SRGN: variants seen among roughly 807,000 people sequenced by gnomAD.
SRGN encodes the protein serglycin.
A neutral mutation model predicts 9.5 loss-of-function variants in SRGN; 2 were observed. The ratio of observed to expected loss-of-function variants is 0.21; its 90% CI spans 0.09 to 0.66. SRGN has a LOEUF of 0.66. Ranked by LOEUF, SRGN falls within the 30% of genes least tolerant of loss-of-function variation. SRGN has a pLI of 0.83. For missense variants in SRGN, 170 were observed against 192.4 expected (o/e 0.88, Z 0.69); for synonymous variants, 59 against 72.3 (o/e 0.82, Z 0.93).
At chr10:69,097,373 G>GCTT (rs1226525637) in intron 2 of SRGN, 142 bp downstream of exon 2, 5 of 584,904 alleles carry the variant, frequency 8.5e-6, no homozygotes, top group Non-Finnish European at 1.4e-5. Context: ...CGATTCTCCT[G>GCTT]CTTCAGCCTC....
chr10:69,095,956 AC>A (rs1295546273), intron 1 of SRGN, among the ~76,000 whole-genome samples: 2 of 151,506 alleles, frequency 1.3e-5, no homozygotes, highest in Admixed American at 6.6e-5. Context: ...CTCCTATATA[AC>A]CTCATAATAT....
intron 2 of SRGN, 67 bp from the exon 3 acceptor site, chr10:69,103,804 A>G (rs753236986): frequency 1.6e-5 from 25 of 1,531,914 alleles, no homozygotes; most frequent in Non-Finnish European, 2.1e-5. Context: ...TAAAAAAACT[A>G]TTATAATTAT....
chr10:69,095,257 G>A lies in SRGN; in HGVS notation c.80-1827G>A, dbSNP rs982625814. On this transcript the variant is annotated intron_variant, in intron 1 of 2. Transcript: ENST00000242465. ...TGGGAGGCAGAGGTTGCAGTGAGCC[G>A]AGATTGTGCCACTGCATCCCAGCCA... is the stretch of plus-strand genomic sequence containing the variant. Among the ~76,000 whole-genome samples, 4 of 149,058 alleles carry A rather than the reference G, an allele frequency of 2.7e-5. No individual in the cohort carries two copies. The South Asian group carries it at 6.3e-4, about 23-fold the overall frequency.
chr10:69,102,287 A>T (rs1840309533), intron 2 of SRGN, among the ~76,000 whole-genome samples: 1 of 152,102 alleles, frequency 6.6e-6, no homozygotes, highest in African/African-American at 2.4e-5. Context: ...TCTAGCTCCG[A>T]CACCCCAGGC....
intron 1 of SRGN, among the ~76,000 whole-genome samples, chr10:69,091,776 A>G (rs1185154309): frequency 1.4e-5 from 2 of 147,990 alleles, no homozygotes; most frequent in Admixed American, 6.9e-5. Context: ...GCTACTCGAG[A>G]GGCTGAGGCA....
In SRGN at chr10:69,091,879, CAAAAAAAAAA is replaced by C. The variant is rs1177012248; in HGVS notation, c.79+3663_79+3672del. Among the ~76,000 whole-genome samples the C allele has an allele frequency of 1.0e-3, 32 of 31,760 alleles. 1 individual carries two copies. The highest frequency in any genetic ancestry group is 3.8e-3 in the Admixed American group (7 of 1,826). The allele number at this position is 31,760 out of a possible 152,430, so 20.8% of individuals were successfully genotyped here. The stretch of plus-strand genomic sequence containing the variant: ...TGGGCGATAGACTGAGACTCTGTCT[CAAAAAAAAAA>C]AAAAAAAAAAAAAAAAAAAGAAAAA... On this transcript the variant is annotated intron_variant, in intron 1 of 2. Coordinates refer to ENST00000242465, the MANE Select transcript of SRGN (RefSeq NM_002727.4).
At position 69,103,984 on chromosome 10, in the gene SRGN, C is replaced by G; in HGVS notation, c.341C>G (p.Thr114Arg). ...SGSGSGSGFL[T>R]EMEQDYQLVD... The stretch of plus-strand genomic sequence containing the variant: ...TCAGGATCTGGGAGTGGCTTCCTAA[C>G]GGAAATGGAACAGGATTACCAACTA... The change falls in exon 3 of 3, where the codon ACG (threonine) becomes AGG (arginine). Residue 114 changes from threonine to arginine, a missense_variant. Thr to Arg is a moderately conservative substitution (Grantham distance 71). Transcript: ENST00000242465. 6.2e-7 allele frequency: 1 copy of G among 1,614,136 alleles called. No homozygotes were observed. The highest frequency in any genetic ancestry group is 2.2e-5 in the East Asian group (1 of 44,884).
intron 1 of SRGN, among the ~76,000 whole-genome samples, chr10:69,095,640 G>A (rs1840158861): frequency 6.6e-6 from 1 of 152,164 alleles, no homozygotes; most frequent in African/African-American, 2.4e-5. Flanking sequence ...GCCGGGCATG[G>A]TGGCTCACGC....
rs1368576920 is a variant in SRGN, at chr10:69,088,280, C to T, written c.79+44C>T. On this transcript the variant is annotated intron_variant, in intron 1 of 2. Coordinates refer to ENST00000242465, the MANE Select transcript of SRGN (RefSeq NM_002727.4). ...GTTCCCCAGCCATCTTCTCTGTAAG[C>T]CCTGTGGTCCATGCAAGTCATTATA... The T allele has an allele frequency of 2.0e-6, 3 of 1,490,912 alleles. No individual in the cohort carries two copies. The African/African-American group carries it at 4.1e-5, about 21-fold the overall frequency. The allele number at this position is 1,490,912 out of a possible 1,614,324, so 92.4% of individuals were successfully genotyped here. A position where few individuals can be genotyped will look rare whatever the true frequency, so the allele number is the denominator to read the frequency against.
chr10:69,099,951 G>A lies in SRGN; in HGVS notation c.227+2720G>A, dbSNP rs770853965. The stretch of plus-strand genomic sequence containing the variant: ...CATCTCTAAAAATTAGTGGCCCGGC[G>A]CTGTGCCTCACGCCTGTAATCCCAA... On this transcript the variant is annotated intron_variant, in intron 2 of 2. Coordinates refer to ENST00000242465, the MANE Select transcript of SRGN (RefSeq NM_002727.4). 1.7e-4 allele frequency among the ~76,000 whole-genome samples: 26 copies of A among 152,086 alleles called. 1 individual carries two copies. The highest frequency in any genetic ancestry group is 3.8e-4 in the Non-Finnish European group (26 of 68,008).
In SRGN at chr10:69,092,589, T is replaced by C. The variant is rs569946277; in HGVS notation, c.79+4353T>C. Among the ~76,000 whole-genome samples, 355 of 152,204 alleles carry C rather than the reference T, an allele frequency of 2.3e-3. 5 individuals are homozygous for C. The highest frequency in any genetic ancestry group is 8.4e-3 in the African/African-American group (347 of 41,526). On this transcript the variant is annotated intron_variant, in intron 1 of 2. Coordinates refer to ENST00000242465, the MANE Select transcript of SRGN (RefSeq NM_002727.4). ...CAAGTGGATCACTTGAGGTCAAGAG[T>C]TTGAGACTAGCCTGGCCAACATGGT...
chr10:69,097,191 G>C lies in SRGN; in HGVS notation c.187G>C (p.Glu63Gln). 1.2e-6 allele frequency: 2 copies of C among 1,614,034 alleles called. No individual in the cohort carries two copies. The highest frequency in any genetic ancestry group is 1.1e-5 in the South Asian group (1 of 91,076). Reference protein sequence around the residue: ...KGPMFELLPGESNKIPRLRTD... With the variant: ...KGPMFELLPGQSNKIPRLRTD... ...ACCAATGTTCGAACTACTTCCAGGT[G>C]AATCCAACAAGATCCCCCGTCTGAG... is the stretch of plus-strand genomic sequence containing the variant. Residue 63 changes from glutamate to glutamine, a missense_variant, in exon 2 of 3, where the codon GAA (glutamate) becomes CAA (glutamine). By Grantham distance (29) the Glu-to-Gln change is conservative. Coordinates refer to ENST00000242465, the MANE Select transcript of SRGN (RefSeq NM_002727.4).
At chr10:69,089,029 T>C (rs1057313082) in intron 1 of SRGN, among the ~76,000 whole-genome samples, 7 of 152,176 alleles carry the variant, frequency 4.6e-5, no homozygotes, top group African/African-American at 1.7e-4. Flanking sequence ...GGTCATGGCT[T>C]GATAGAGAGA....
intron 1 of SRGN, among the ~76,000 whole-genome samples, chr10:69,093,537 A>C (rs1448678574): frequency 6.6e-6 from 1 of 152,186 alleles, no homozygotes; most frequent in Non-Finnish European, 1.5e-5. Flanking sequence ...TCTAAGTAGC[A>C]ATTAGATGCT....
intron 1 of SRGN, among the ~76,000 whole-genome samples, chr10:69,090,241 A>C (rs1367119530): frequency 6.6e-6 from 1 of 152,240 alleles, no homozygotes; most frequent in Non-Finnish European, 1.5e-5. Context: ...AATGCCAGAT[A>C]TGATTCGACA....
chr10:69,095,302 C>T (rs1176602791), intron 1 of SRGN, among the ~76,000 whole-genome samples: 1 of 104,688 alleles, frequency 9.6e-6, no homozygotes, highest in African/African-American at 3.7e-5. Flanking sequence ...AGCGAGACTT[C>T]ATCTCAAAAA....
chr10:69,092,093 G>A (rs891103249), intron 1 of SRGN, among the ~76,000 whole-genome samples: 7 of 151,666 alleles, frequency 4.6e-5, no homozygotes, highest in African/African-American at 1.7e-4. Context: ...GGGCAGTGAG[G>A]GATAGGATTC....
intron 1 of SRGN, among the ~76,000 whole-genome samples, chr10:69,094,279 G>A (rs1840129549): frequency 6.6e-6 from 1 of 152,146 alleles, no homozygotes; most frequent in Non-Finnish European, 1.5e-5. Context: ...GACATTGTAA[G>A]CTATACTCAG....
chr10:69,095,911 C>CAATAAAATAA (rs57868663), intron 1 of SRGN, among the ~76,000 whole-genome samples: 70,540 of 149,186 alleles, frequency 0.47, 18,714 homozygotes, highest in Middle Eastern at 0.66. Flanking sequence ...GACTCTCTCT[C>CAATAAAATAA]AATAAAATAA....
Sources: gnomAD v4.1 joint callset for allele counts (sites outside exome capture counted in the v4.1 genomes callset) on GRCh38, gnomAD v4.1.1 for gene constraint, MANE v1.5 for transcripts, NCBI Gene and HGNC (gene_info 2026-07-23, HGNC 2026-07-21) for gene names.